Variants in MPV17 observed in about 807,000 individuals in gnomAD.
The protein encoded by MPV17 is mitochondrial inner membrane protein MPV17.
A neutral mutation model predicts 28.6 loss-of-function variants in MPV17; 31 were observed. That is an observed-to-expected ratio of 1.08 (90% CI 0.81 to 1.46). The LOEUF (loss-of-function observed/expected upper bound fraction) is 1.46, where lower values mean the gene tolerates loss of function less well. MPV17 is among the 40% of genes most tolerant of loss of function. The probability of loss-of-function intolerance (pLI) is 0.00; values close to 1 mark genes in which losing one functional copy is unlikely to be tolerated. For missense variants in MPV17, 198 were observed against 216.2 expected (o/e 0.92, Z 0.53); for synonymous variants, 87 against 85.3 (o/e 1.02, Z -0.11).
At chr2:27,312,959 G>A (rs752781348) in intron 3 of MPV17, 35 bp downstream of exon 3, 3 of 1,607,956 alleles carry the variant, frequency 1.9e-6, no homozygotes, top group Non-Finnish European at 8.5e-7. Context: ...GACCACTGTT[G>A]AGTCCACTGA....
At chr2:27,311,327 C>G in intron 7 of MPV17, 1 of 464,310 alleles carries the variant, frequency 2.2e-6, no homozygotes, top group South Asian at 2.4e-5. Context: ...TCCCAAAGTG[C>G]TAGAATTACA....
At chr2:27,310,297 T>C (rs978770921) in intron 7 of MPV17, among the ~76,000 whole-genome samples, 1 of 152,142 alleles carries the variant, frequency 6.6e-6, no homozygotes, top group African/African-American at 2.4e-5. Context: ...GGTTTCACCA[T>C]GTTGGCCAGG....
At chr2:27,320,428 A>G (rs893397448) in intron 2 of MPV17, among the ~76,000 whole-genome samples, 2 of 150,152 alleles carry the variant, frequency 1.3e-5, no homozygotes, top group Non-Finnish European at 3.0e-5. Flanking sequence ...CCTCTGCCTC[A>G]TGGGTTCAAG....
At chr2:27,315,232 G>T (rs1191012736) in intron 2 of MPV17, among the ~76,000 whole-genome samples, 1 of 152,252 alleles carries the variant, frequency 6.6e-6, no homozygotes, top group Non-Finnish European at 1.5e-5. Context: ...CTGAGAAAGG[G>T]TCTGAAGAAT....
rs371392423 is a variant in MPV17, at chr2:27,309,857, C to T, written c.*55G>A. 88 of 1,493,510 alleles carry T rather than the reference C, an allele frequency of 5.9e-5. No homozygotes were observed. Among genetic ancestry groups the T allele is most frequent in the African/African-American group, 5.8e-4 (42 of 72,640 alleles). The allele number at this position is 1,493,510 out of a possible 1,614,324, so 92.5% of individuals were successfully genotyped here. ...GCCCACTTTGAGGAGGTTGTCTGAC[C>T]GTTCCAGGGTCAAGCTGCATCACTG... is the stretch of plus-strand genomic sequence containing the variant. On this transcript the variant is annotated 3_prime_UTR_variant, in exon 8 of 8. Transcript: ENST00000380044.
At chr2:27,318,183 C>T (rs917348106) in intron 2 of MPV17, among the ~76,000 whole-genome samples, 16 of 151,154 alleles carry the variant, frequency 1.1e-4, no homozygotes, top group African/African-American at 3.9e-4. Flanking sequence ...ATTCTCCTGT[C>T]TCCGCCTCCC....
rs527635038 is a variant in MPV17, at chr2:27,315,132, C to T, written c.71-2023G>A. On this transcript the variant is annotated intron_variant, in intron 2 of 7. Coordinates refer to ENST00000380044, the MANE Select transcript of MPV17 (RefSeq NM_002437.5). ...TCCTAGATACCTTTGTTATCCCATC[C>T]CCTCACCATGCAGCTAAGCAAGCTA... Among the ~76,000 whole-genome samples, 4 of 152,342 alleles carry T rather than the reference C, an allele frequency of 2.6e-5. No individual in the cohort carries two copies. In the South Asian group the frequency reaches 8.3e-4, roughly 32 times the overall value.
intron 3 of MPV17, 86 bp from the exon 4 acceptor site, chr2:27,312,858 A>C (rs539512545): frequency 5.3e-5 from 81 of 1,542,636 alleles, no homozygotes; most frequent in Non-Finnish European, 7.0e-5. Flanking sequence ...CAAGTATCAG[A>C]ATAGGGGAAG....
chr2:27,321,669 A>T (rs370329927), intron 2 of MPV17, among the ~76,000 whole-genome samples: 1 of 152,204 alleles, frequency 6.6e-6, no homozygotes, highest in African/African-American at 2.4e-5. Context: ...CAAAATGAAG[A>T]TGGTAACAAA....
intron 2 of MPV17, among the ~76,000 whole-genome samples, chr2:27,320,009 G>A (rs1400901539): frequency 4.6e-5 from 7 of 151,350 alleles, no homozygotes; most frequent in African/African-American, 9.7e-5. Context: ...AGGCCGAGGC[G>A]GGTGAATCAC....
At chr2:27,313,814 C>T (rs1422737225) in intron 2 of MPV17, among the ~76,000 whole-genome samples, 4 of 152,136 alleles carry the variant, frequency 2.6e-5, no homozygotes, top group Non-Finnish European at 5.9e-5. Flanking sequence ...CCGATTCAAG[C>T]GATTCCCCTG....
intron 2 of MPV17, 66 bp downstream of exon 2, chr2:27,322,382 G>A: frequency 1.5e-6 from 2 of 1,353,994 alleles, no homozygotes; most frequent in South Asian, 2.3e-5. Flanking sequence ...GTGGTGCAGT[G>A]GGGCAAGCCT....
intron 2 of MPV17, among the ~76,000 whole-genome samples, chr2:27,314,131 C>T (rs989387938): frequency 6.6e-6 from 1 of 152,220 alleles, no homozygotes; most frequent in Middle Eastern, 3.4e-3. Flanking sequence ...TTGAGTCCAG[C>T]CTGGGCAATA....
At chr2:27,312,966 C>T (rs1412920749) in intron 3 of MPV17, 28 bp downstream of exon 3, 1 of 1,612,110 alleles carries the variant, frequency 6.2e-7, no homozygotes, top group African/African-American at 1.3e-5. Context: ...GTTGAGTCCA[C>T]TGAAGCCCTG....
At chr2:27,315,846 G>C (rs1443054321) in intron 2 of MPV17, 2 of 1,290,778 alleles carry the variant, frequency 1.5e-6, no homozygotes, top group Non-Finnish European at 2.0e-6. Flanking sequence ...ATAGGTGTGA[G>C]CCACGGCACC....
Position 27,312,605 on chromosome 2 carries a change from T to TA in MPV17, c.280-17dup. 1.2e-6 allele frequency: 2 copies of TA among 1,613,886 alleles called. No homozygotes were observed. Among genetic ancestry groups the TA allele is most frequent in the Non-Finnish European group, 8.5e-7 (1 of 1,179,820 alleles). On this transcript the variant is annotated splice_polypyrimidine_tract_variant and intron_variant, in intron 4 of 7. Transcript: ENST00000380044. ...CAAAGCCCCCCTAGGGAAGAGAAAT[T>TA]AAAGTCCTATGAGTGCTGAAATCCC...
intron 7 of MPV17, 118 bp from the exon 8 acceptor site, chr2:27,310,099 C>T: frequency 1.2e-6 from 1 of 810,960 alleles, no homozygotes. Flanking sequence ...AGGTTTAGGT[C>T]TCTTTCCTTC....
chr2:27,315,837 T>A, intron 2 of MPV17: 5 of 1,241,590 alleles, frequency 4.0e-6, no homozygotes, highest in Non-Finnish European at 3.1e-6. Flanking sequence ...GTTGGGATTA[T>A]AGGTGTGAGC....
chr2:27,312,633 C>A, intron 4 of MPV17, 44 bp from the exon 5 acceptor site: 1 of 1,613,304 alleles, frequency 6.2e-7, no homozygotes, highest in Non-Finnish European at 8.5e-7. Flanking sequence ...GAAATCCCCA[C>A]CTACCCCCAA....
Sources: gnomAD v4.1 joint callset for allele counts (sites outside exome capture counted in the v4.1 genomes callset) on GRCh38, gnomAD v4.1.1 for gene constraint, MANE v1.5 for transcripts, NCBI Gene and HGNC (gene_info 2026-07-23, HGNC 2026-07-21) for gene names.